DAD1: variants seen among roughly 807,000 people sequenced by gnomAD.
The protein encoded by DAD1 is defender against cell death 1, also known as dolichyl-diphosphooligosaccharide--protein glycosyltransferase subunit DAD1.
Under a neutral mutation model 9.0 loss-of-function variants are expected in DAD1, and 4 were observed. That is an observed-to-expected ratio of 0.44 (90% CI 0.22 to 1.01). DAD1 has a LOEUF of 1.01. DAD1 is among the 50% of genes least tolerant of loss of function. DAD1 has a pLI of 0.24. For missense variants in DAD1, 119 were observed against 137.3 expected, an observed-to-expected ratio of 0.87 and a Z score of 0.67; for synonymous variants, 60 against 62.5, an observed-to-expected ratio of 0.96 and a Z score of 0.19.
intron 2 of DAD1, among the ~76,000 whole-genome samples, chr14:22,573,854 G>C (rs931113396): frequency 1.3e-5 from 2 of 152,054 alleles, no homozygotes; most frequent in African/African-American, 4.8e-5. Flanking sequence ...AAGGATTTAG[G>C]TAACATATTA....
intron 1 of DAD1, among the ~76,000 whole-genome samples, chr14:22,586,199 C>CAAAA (rs11357700): frequency 8.2e-6 from 1 of 122,480 alleles, no homozygotes; most frequent in Non-Finnish European, 1.8e-5. Flanking sequence ...GACTCCGTCT[C>CAAAA]AAAAAAAAAA....
At position 22,589,085 on chromosome 14, in the gene DAD1, T is replaced by TCAGA; in HGVS notation, c.69_72dup (p.Lys25SerfsTer73). ...TACAGCAGGTACGCGTCCAGCAACT[T>TCAGA]CAGACGCTGCGGAGTGGAGCTCAAG... is the stretch of plus-strand genomic sequence containing the variant. On this transcript the variant is annotated frameshift_variant, in exon 1 of 3. Coordinates refer to ENST00000250498, the MANE Select transcript of DAD1 (RefSeq NM_001344.4). LOFTEE classifies it high-confidence loss of function. 6.2e-7 allele frequency: 1 copy of TCAGA among 1,614,110 alleles called. No individual in the cohort carries two copies. The highest frequency in any genetic ancestry group is 8.5e-7 in the Non-Finnish European group (1 of 1,180,022).
chr14:22,578,826 A>C (rs897051283), intron 1 of DAD1, among the ~76,000 whole-genome samples: 3 of 152,196 alleles, frequency 2.0e-5, no homozygotes, highest in African/African-American at 7.2e-5. Context: ...ATTACTTCTC[A>C]GAGTTACACT....
At chr14:22,576,915 C>G (rs1349216983) in intron 1 of DAD1, among the ~76,000 whole-genome samples, 1 of 152,084 alleles carries the variant, frequency 6.6e-6, no homozygotes, top group African/African-American at 2.4e-5. Flanking sequence ...ATCAAAATTA[C>G]AACGAGATAT....
rs764346168 is a variant in DAD1, at chr14:22,565,238, C to T, written c.*45-101G>A. 190 of 646,820 alleles carry T rather than the reference C, an allele frequency of 2.9e-4. 1 individual carries two copies. Among genetic ancestry groups the T allele is most frequent in the Admixed American group, 6.3e-4 (26 of 41,116 alleles). The allele number at this position is 646,820 out of a possible 1,614,324, so 40.1% of individuals were successfully genotyped here. ...TAACCCACAAGACAGTTATGGGGTT[C>T]CCACACTCAGGACAATATTTAAACC... On this transcript the variant is annotated intron_variant, in intron 2 of 2. Transcript: ENST00000250498.
intron 1 of DAD1, among the ~76,000 whole-genome samples, chr14:22,575,988 A>AC (rs2037075351): frequency 6.6e-6 from 1 of 151,842 alleles, no homozygotes; most frequent in African/African-American, 2.4e-5. Context: ...GAACAAATGT[A>AC]CCCCCTCAAT....
At chr14:22,567,588 C>A (rs2037009717) in intron 2 of DAD1, among the ~76,000 whole-genome samples, 1 of 152,236 alleles carries the variant, frequency 6.6e-6, no homozygotes, top group African/African-American at 2.4e-5. Context: ...TGCTGTCCAA[C>A]ACCACAGCCA....
chr14:22,575,292 A>G, intron 1 of DAD1, 59 bp from the exon 2 acceptor site: 1 of 1,578,718 alleles, frequency 6.3e-7, no homozygotes, highest in Non-Finnish European at 8.6e-7. Context: ...TAAATATGCT[A>G]ATGAACACAG....
At chr14:22,569,711 G>A (rs5742838) in intron 2 of DAD1, among the ~76,000 whole-genome samples, 27,297 of 152,180 alleles carry the variant, frequency 0.18, 2,496 homozygotes, top group Middle Eastern at 0.26. Flanking sequence ...AATCTATTTC[G>A]ATATTCTTTT....
chr14:22,584,982 A>C (rs552154090), intron 1 of DAD1, among the ~76,000 whole-genome samples: 79 of 152,264 alleles, frequency 5.2e-4, no homozygotes, highest in Non-Finnish European at 7.3e-4. Flanking sequence ...ATGATATGAA[A>C]GATATTTAGA....
intron 2 of DAD1, among the ~76,000 whole-genome samples, chr14:22,571,691 G>A (rs2037042094): frequency 7.0e-6 from 1 of 142,046 alleles, no homozygotes; most frequent in African/African-American, 2.7e-5. Context: ...GTGCAATGGT[G>A]CAATTCGGGC....
At chr14:22,581,529 G>T (rs1051306325) in intron 1 of DAD1, among the ~76,000 whole-genome samples, 6 of 151,186 alleles carry the variant, frequency 4.0e-5, no homozygotes, top group Admixed American at 1.3e-4. Flanking sequence ...ATAACCTGAG[G>T]TCGGGAGTTC....
In DAD1 at chr14:22,589,044, C is replaced by T. The variant is rs561717147; in HGVS notation, c.114G>A (p.Gly38=). The stretch of plus-strand genomic sequence containing the variant: ...GGAGACAGTAACCGAACTGCAGCGC[C>T]CCGGTCAGCAGTATATACAGCAGGT... ...DAYLLYILLT[G]ALQFGYCLLV... The change falls in exon 1 of 3, where the codon GGG becomes GGA. Residue 38 remains glycine, a synonymous_variant. Transcript: ENST00000250498. 4 of 1,614,104 alleles carry T rather than the reference C, an allele frequency of 2.5e-6. No homozygotes were observed. The highest frequency in any genetic ancestry group is 1.1e-5 in the South Asian group (1 of 91,090).
intron 1 of DAD1, among the ~76,000 whole-genome samples, chr14:22,580,434 G>A (rs1427069360): frequency 6.7e-6 from 1 of 150,310 alleles, no homozygotes; most frequent in Non-Finnish European, 1.5e-5. Context: ...CAAAAAAAAA[G>A]TAAAATATTT....
intron 2 of DAD1, among the ~76,000 whole-genome samples, chr14:22,568,042 T>C (rs2037012804): frequency 6.6e-6 from 1 of 152,212 alleles, no homozygotes; most frequent in Non-Finnish European, 1.5e-5. Context: ...GACATATATA[T>C]AAAGCCATCA....
chr14:22,568,695 A>AT (rs59847356), intron 2 of DAD1, among the ~76,000 whole-genome samples: 21,385 of 136,432 alleles, frequency 0.16, 1,689 homozygotes, highest in Middle Eastern at 0.21. Context: ...AAGTCTTCTG[A>AT]TTTTTTTTTT....
intron 2 of DAD1, among the ~76,000 whole-genome samples, chr14:22,567,682 C>A (rs555061666): frequency 7.9e-5 from 12 of 152,308 alleles, no homozygotes; most frequent in Non-Finnish European, 1.6e-4. Context: ...TTCAAATGTT[C>A]AATAACCACA....
intron 2 of DAD1, among the ~76,000 whole-genome samples, chr14:22,567,927 TA>T (rs1267098811): frequency 6.6e-6 from 1 of 152,112 alleles, no homozygotes; most frequent in African/African-American, 2.4e-5. Flanking sequence ...TTTTCCCATT[TA>T]AAAAAGAAAA....
At position 22,568,607 on chromosome 14, in the gene DAD1, A is replaced by T. The variant is rs137989386; in HGVS notation, c.*45-3470T>A. Among the ~76,000 whole-genome samples, 240 of 152,230 alleles carry T rather than the reference A, an allele frequency of 1.6e-3. 2 individuals carry two copies. The highest frequency in any genetic ancestry group is 5.6e-3 in the African/African-American group (232 of 41,488). ...GAACATCCAGACCAATCCTCTCACA[A>T]CACAGACAGAGAAACTGAGGCTCAG... is the stretch of plus-strand genomic sequence containing the variant. On this transcript the variant is annotated intron_variant, in intron 2 of 2. Transcript: ENST00000250498.
Sources: allele counts gnomAD v4.1 joint callset (sites outside exome capture counted in the v4.1 genomes callset), GRCh38; gene constraint gnomAD v4.1.1; transcripts MANE v1.5; gene names NCBI Gene and HGNC (gene_info 2026-07-23, HGNC 2026-07-21).